PDE8B: variants seen among roughly 807,000 people sequenced by gnomAD.
The protein encoded by PDE8B is high affinity cAMP-specific and IBMX-insensitive 3',5'-cyclic phosphodiesterase 8B.
PDE8B carries 26 observed loss-of-function variants against 101.3 expected under a neutral mutation model. That is an observed-to-expected ratio of 0.26 (90% CI 0.19 to 0.36). The LOEUF (loss-of-function observed/expected upper bound fraction) is 0.36. Among genes scored for constraint, PDE8B ranks in the 10% least tolerant of loss-of-function variants. The pLI is 1.00. For missense variants in PDE8B, 810 were observed against 1,163.1 expected, an observed-to-expected ratio of 0.70 and a Z score of 4.42; for synonymous variants, 424 against 429.3, an observed-to-expected ratio of 0.99 and a Z score of 0.15.
At chr5:77,357,242 G>A (rs972029531) in intron 10 of PDE8B, among the ~76,000 whole-genome samples, 13 of 152,138 alleles carry the variant, frequency 8.5e-5, no homozygotes, top group African/African-American at 3.1e-4. Context: ...GGATGCATGG[G>A]AGCCAGTGAG....
At chr5:77,121,313 A>T in the PDE8B span, among the ~76,000 whole-genome samples, 1 of 152,328 alleles carries the variant, frequency 6.6e-6, no homozygotes, top group African/African-American at 2.4e-5. Flanking sequence ...TGGGCCTCAC[A>T]GTAGGTCTGC....
At chr5:77,138,209 CG>C in the PDE8B span, among the ~76,000 whole-genome samples, 511 of 151,866 alleles carry the variant, frequency 3.4e-3, 4 homozygotes, top group African/African-American at 0.011. Flanking sequence ...ATTTGGAGTC[CG>C]GGGGGTGGCT....
intron 10 of PDE8B, among the ~76,000 whole-genome samples, chr5:77,371,770 A>G (rs1347840817): frequency 6.6e-6 from 1 of 152,168 alleles, no homozygotes; most frequent in Non-Finnish European, 1.5e-5. Context: ...CAGCAATGTT[A>G]AGTAGTTTTC....
chr5:77,316,819 G>A (rs1773860421), intron 2 of PDE8B, among the ~76,000 whole-genome samples: 1 of 152,118 alleles, frequency 6.6e-6, no homozygotes, highest in Non-Finnish European at 1.5e-5. Context: ...GCAAGACCTG[G>A]AACATTACCA....
At chr5:77,423,562 T>C (rs1797154047) in intron 20 of PDE8B, among the ~76,000 whole-genome samples, 1 of 152,052 alleles carries the variant, frequency 6.6e-6, no homozygotes, top group Admixed American at 6.6e-5. Flanking sequence ...TCTGACTAGT[T>C]TGAGATGGTA....
At chr5:77,264,152 A>G (rs1761200802) in intron 1 of PDE8B, among the ~76,000 whole-genome samples, 4 of 152,216 alleles carry the variant, frequency 2.6e-5, no homozygotes, top group Admixed American at 6.5e-5. Flanking sequence ...TTTCCATTTA[A>G]TGGACATACC....
chr5:77,361,891 C>G (rs1271399444), intron 10 of PDE8B, among the ~76,000 whole-genome samples: 2 of 152,114 alleles, frequency 1.3e-5, no homozygotes, highest in Non-Finnish European at 2.9e-5. Context: ...TAACTGTAAC[C>G]ATAAATTGGC....
At chr5:77,426,385 T>C (rs766752959) in intron 21 of PDE8B, 60 bp from the exon 22 acceptor site, 1 of 1,120,716 alleles carries the variant, frequency 8.9e-7, no homozygotes, top group Non-Finnish European at 1.4e-6. Context: ...CCCCCAGGCT[T>C]ATAAATGCTC....
At chr5:77,390,458 C>T (rs867151482) in intron 10 of PDE8B, among the ~76,000 whole-genome samples, 4 of 152,294 alleles carry the variant, frequency 2.6e-5, no homozygotes, top group Middle Eastern at 3.4e-3. Flanking sequence ...CTAAAGCCTT[C>T]GGTTTCCCCA....
At chr5:77,317,021 A>G (rs1432780297) in intron 2 of PDE8B, among the ~76,000 whole-genome samples, 2 of 152,184 alleles carry the variant, frequency 1.3e-5, no homozygotes, top group African/African-American at 4.8e-5. Flanking sequence ...GTTTGACTCA[A>G]TGATTCATGC....
At chr5:77,251,692 T>G (rs1402290204) in intron 1 of PDE8B, among the ~76,000 whole-genome samples, 5 of 152,190 alleles carry the variant, frequency 3.3e-5, no homozygotes, top group African/African-American at 1.2e-4. Flanking sequence ...ACCGCATCGC[T>G]CTCTCTCTTC....
chr5:77,413,646 A>T (rs1794976549), intron 17 of PDE8B, among the ~76,000 whole-genome samples: 1 of 152,126 alleles, frequency 6.6e-6, no homozygotes, highest in African/African-American at 2.4e-5. Context: ...TGGTTACTAG[A>T]TCTATAGGTT....
At chr5:77,342,220 G>A (rs956237770) in intron 6 of PDE8B, among the ~76,000 whole-genome samples, 1 of 152,128 alleles carries the variant, frequency 6.6e-6, no homozygotes, top group Non-Finnish European at 1.5e-5. Context: ...CATAACAACA[G>A]GTATCTACAT....
chr5:77,337,889 G>A (rs1206100305), intron 6 of PDE8B, among the ~76,000 whole-genome samples: 2 of 152,196 alleles, frequency 1.3e-5, no homozygotes, highest in African/African-American at 4.8e-5. Flanking sequence ...GTGTCTGGCT[G>A]CTGGCCAGAA....
At chr5:77,395,151 CTG>C (rs987181139) in intron 10 of PDE8B, among the ~76,000 whole-genome samples, 4 of 152,000 alleles carry the variant, frequency 2.6e-5, no homozygotes, top group Non-Finnish European at 5.9e-5. Flanking sequence ...GAGTCTCACT[CTG>C]TCACCCAGGC....
chr5:77,304,639 TA>T (rs1282129540), intron 1 of PDE8B, among the ~76,000 whole-genome samples: 1 of 152,206 alleles, frequency 6.6e-6, no homozygotes, highest in African/African-American at 2.4e-5. Flanking sequence ...GCTGCCAAAT[TA>T]ATGTACTATT....
In PDE8B at chr5:77,210,887, G is replaced by A; in HGVS notation, c.-39G>A. The A allele has an allele frequency of 2.2e-5, 28 of 1,248,494 alleles. No individual in the cohort carries two copies. The highest frequency in any genetic ancestry group is 2.8e-5 in the Non-Finnish European group (28 of 1,001,172). 77.3% of individuals were successfully genotyped at this position (1,248,494 alleles called of 1,614,324 possible). On this transcript the variant is annotated 5_prime_UTR_variant, in exon 1 of 22. Transcript: ENST00000264917. This position sits in a 1 kb window ranked among gnomAD's most constrained non-coding sequence, Gnocchi z 4.9. Reference sequence around the variant, plus strand: ...GCGGGTGCGCTGGGTCCCGGCGGCCGCGGGCGCGGGCGGGCGCGCGGGGGA... The same window carrying A: ...GCGGGTGCGCTGGGTCCCGGCGGCCACGGGCGCGGGCGGGCGCGCGGGGGA...
intron 1 of PDE8B, among the ~76,000 whole-genome samples, chr5:77,251,088 C>G (rs369048185): frequency 6.6e-6 from 1 of 152,178 alleles, no homozygotes; most frequent in Admixed American, 6.5e-5. Flanking sequence ...GGCTTTGTAT[C>G]TCAACCCTAC....
At chr5:77,247,404 C>T (rs562215558) in intron 1 of PDE8B, among the ~76,000 whole-genome samples, 3 of 152,296 alleles carry the variant, frequency 2.0e-5, no homozygotes, top group Non-Finnish European at 2.9e-5. Context: ...CATTCTCACA[C>T]GAGCCTCCCT....
Sources: gnomAD v4.1 joint callset for allele counts (sites outside exome capture counted in the v4.1 genomes callset) on GRCh38, gnomAD v4.1.1 for gene constraint, Gnocchi (gnomAD v3.1) non-coding constraint, MANE v1.5 for transcripts, NCBI Gene and HGNC (gene_info 2026-07-23, HGNC 2026-07-21) for gene names.